SCUBE1: variants seen among roughly 807,000 people sequenced by gnomAD.
The protein encoded by SCUBE1 is signal peptide, CUB and EGF-like domain-containing protein 1.
A neutral mutation model predicts 124.4 loss-of-function variants in SCUBE1; 59 were observed. The observed-to-expected ratio is 0.47, with a 90% CI of 0.38 to 0.59. SCUBE1 has a LOEUF of 0.59. Ranked by LOEUF, SCUBE1 falls within the 20% of genes least tolerant of loss-of-function variation. The probability of loss-of-function intolerance (pLI) is 0.00; values close to 1 mark genes in which losing one functional copy is unlikely to be tolerated. For missense variants in SCUBE1, 1,150 were observed against 1,371.2 expected (o/e 0.84, Z 2.55); for synonymous variants, 545 against 550.9 (o/e 0.99, Z 0.15).
intron 3 of SCUBE1, among the ~76,000 whole-genome samples, chr22:43,305,278 T>C (rs1925925893): frequency 6.6e-6 from 1 of 152,140 alleles, no homozygotes; most frequent in African/African-American, 2.4e-5. Flanking sequence ...AATGGGGGAA[T>C]GATTTTGTCT....
rs1160244762 is a variant in SCUBE1, at chr22:43,343,219, C to T, written c.43G>A (p.Ala15Thr). The change falls in exon 1 of 22, where the codon GCC becomes ACC. Residue 15 changes from alanine (A) to threonine (T), a missense_variant. By Grantham distance (58) the Ala-to-Thr change is moderately conservative (BLOSUM62 0). Around this residue, in one of 3 missense-constraint regions of SCUBE1, gnomAD observed 56 missense variants for 48.1 expected, o/e 1.16. Coordinates refer to ENST00000360835, the MANE Select transcript of SCUBE1 (RefSeq NM_173050.5). ...AVRWHLCVLL[A>T]LGTRGRLAGG... is the part of the protein sequence containing the mutation. Reference sequence around the variant, plus strand: ...GCCAGCCGCCCGCGTGTGCCCAGGGCCAGCAGCACGCACAAGTGCCAGCGC... The same window carrying T: ...GCCAGCCGCCCGCGTGTGCCCAGGGTCAGCAGCACGCACAAGTGCCAGCGC... The T allele has an allele frequency of 8.2e-6, 10 of 1,217,068 alleles. No individual in the cohort carries two copies. Among genetic ancestry groups the T allele is most frequent in the Non-Finnish European group, 1.0e-5 (10 of 970,960 alleles). The allele number at this position is 1,217,068 out of a possible 1,614,324, so 75.4% of individuals were successfully genotyped here.
intron 3 of SCUBE1, among the ~76,000 whole-genome samples, chr22:43,304,856 C>T (rs913957239): frequency 1.3e-5 from 2 of 152,160 alleles, no homozygotes; most frequent in African/African-American, 4.8e-5. Flanking sequence ...CCCACACCAT[C>T]CCTTTGCACA....
chr22:43,266,017 C>A (rs993407812), intron 4 of SCUBE1, among the ~76,000 whole-genome samples: 1 of 152,078 alleles, frequency 6.6e-6, no homozygotes, highest in African/African-American at 2.4e-5. Flanking sequence ...AGAAGAATTG[C>A]TTGAACTCAG....
chr22:43,240,133 A>C (rs1922945659), intron 6 of SCUBE1, among the ~76,000 whole-genome samples: 1 of 151,968 alleles, frequency 6.6e-6, no homozygotes, highest in African/African-American at 2.4e-5. Context: ...TGCATCTGAG[A>C]TTCTGCAGGG....
chr22:43,207,448 G>A, intron 21 of SCUBE1, 86 bp downstream of exon 21: 1 of 1,042,886 alleles, frequency 9.6e-7, no homozygotes, highest in Non-Finnish European at 1.5e-6. Flanking sequence ...CTCCTCCAGG[G>A]GCCAGGGCTG....
At chr22:43,262,597 T>G (rs1923912239) in intron 5 of SCUBE1, 123 bp downstream of exon 5, 1 of 1,170,694 alleles carries the variant, frequency 8.5e-7, no homozygotes, top group African/African-American at 1.5e-5. Flanking sequence ...GCCCTGCCCT[T>G]CTCTCCACCC....
chr22:43,275,622 A>G (rs1360699648), intron 4 of SCUBE1, among the ~76,000 whole-genome samples: 1 of 152,222 alleles, frequency 6.6e-6, no homozygotes, highest in African/African-American at 2.4e-5. Flanking sequence ...AGAGTCAGAG[A>G]CAGCTTCAGA....
chr22:43,320,889 C>G (rs1340697198), intron 2 of SCUBE1, among the ~76,000 whole-genome samples: 1 of 152,230 alleles, frequency 6.6e-6, no homozygotes, highest in African/African-American at 2.4e-5. Flanking sequence ...CCCAAGGGGC[C>G]TAACCCCGGT....
chr22:43,268,205 G>C (rs1213168732), intron 4 of SCUBE1, among the ~76,000 whole-genome samples: 1 of 152,258 alleles, frequency 6.6e-6, no homozygotes, highest in Non-Finnish European at 1.5e-5. Flanking sequence ...GCTTCTGTGA[G>C]CCTGAGGGAC....
At chr22:43,262,964 GT>G in intron 4 of SCUBE1, 119 bp from the exon 5 acceptor site, 9 of 1,102,862 alleles carry the variant, frequency 8.2e-6, no homozygotes, top group South Asian at 1.4e-5. Context: ...GTCATTGCAT[GT>G]ATCATGCACA....
At chr22:43,205,823 A>C (rs1601790938) in intron 21 of SCUBE1, among the ~76,000 whole-genome samples, 2 of 40,284 alleles carry the variant, frequency 5.0e-5, no homozygotes, top group Non-Finnish European at 8.9e-5. Context: ...CTCACCACTC[A>C]CCCCCACACA....
At chr22:43,291,579 C>T (rs895192937) in intron 3 of SCUBE1, among the ~76,000 whole-genome samples, 16 of 151,140 alleles carry the variant, frequency 1.1e-4, no homozygotes, top group South Asian at 2.1e-4. Flanking sequence ...CATCGCGCTG[C>T]ACTACAGTGG....
chr22:43,223,204 C>T lies in SCUBE1; in HGVS notation c.1220G>A (p.Cys407Tyr), dbSNP rs1922171170. ...NGKDCVETGK[C>Y]LSRAKTSPRA... Reference sequence around the variant, plus strand: ...GGGGGAGGTCTTGGCGCGAGAAAGACACTTGCCTGTCTCTATGAAGGGAGA... The same window carrying T: ...GGGGGAGGTCTTGGCGCGAGAAAGATACTTGCCTGTCTCTATGAAGGGAGA... The change falls in exon 11 of 22, where the codon TGT becomes TAT. Residue 407 changes from cysteine to tyrosine, a missense_variant. By Grantham distance (194) the Cys-to-Tyr change is radical. Coordinates refer to ENST00000360835, the MANE Select transcript of SCUBE1 (RefSeq NM_173050.5). 1 of 1,570,966 alleles carries T rather than the reference C, an allele frequency of 6.4e-7. No homozygotes were observed. Among genetic ancestry groups the T allele is most frequent in the African/African-American group, 1.4e-5 (1 of 72,008 alleles).
intron 4 of SCUBE1, among the ~76,000 whole-genome samples, chr22:43,267,005 C>A (rs1924095624): frequency 6.6e-6 from 1 of 152,158 alleles, no homozygotes; most frequent in Non-Finnish European, 1.5e-5. Flanking sequence ...ATAATCTTTG[C>A]CCCTGAGAGT....
intron 6 of SCUBE1, among the ~76,000 whole-genome samples, chr22:43,240,462 T>G (rs1393846001): frequency 1.3e-5 from 2 of 152,164 alleles, no homozygotes; most frequent in African/African-American, 2.4e-5. Flanking sequence ...AGGGAAGGTG[T>G]CATCCTTCCT....
intron 3 of SCUBE1, among the ~76,000 whole-genome samples, chr22:43,305,441 C>T (rs1018749835): frequency 6.6e-6 from 1 of 152,072 alleles, no homozygotes; most frequent in Admixed American, 6.5e-5. Context: ...GGTCCCTCTG[C>T]CCGGGGGGCT....
intron 2 of SCUBE1, among the ~76,000 whole-genome samples, chr22:43,335,979 GTGA>G (rs980944423): frequency 5.4e-4 from 81 of 151,372 alleles, no homozygotes; most frequent in African/African-American, 1.8e-3. Context: ...GATGATGATG[GTGA>G]TGATGATGAT....
intron 1 of SCUBE1, among the ~76,000 whole-genome samples, chr22:43,342,115 C>T (rs750469292): frequency 6.6e-6 from 1 of 151,968 alleles, no homozygotes; most frequent in Non-Finnish European, 1.5e-5. Context: ...CTCAGGAAGC[C>T]GGGAAGGACG....
chr22:43,205,251 G>C (rs1288613073), intron 21 of SCUBE1, among the ~76,000 whole-genome samples: 1 of 152,150 alleles, frequency 6.6e-6, no homozygotes, highest in East Asian at 1.9e-4. Flanking sequence ...TTGCTGCAGG[G>C]ATCTAGGCAG....
Sources: allele counts gnomAD v4.1 joint callset (sites outside exome capture counted in the v4.1 genomes callset), GRCh38; gene constraint gnomAD v4.1.1; regional missense constraint gnomAD v4.1.1; transcripts MANE v1.5; gene names NCBI Gene and HGNC (gene_info 2026-07-23, HGNC 2026-07-21).